GPHN: variants seen among roughly 807,000 people sequenced by gnomAD.
GPHN encodes gephyrin.
GPHN carries 17 observed loss-of-function variants against 95.5 expected under a neutral mutation model. That is an observed-to-expected ratio of 0.18 (90% CI 0.12 to 0.27). The LOEUF is 0.27. Ranked by LOEUF, GPHN falls within the 10% of genes least tolerant of loss-of-function variation. The pLI, the probability that GPHN is intolerant of heterozygous loss-of-function variation, is 1.00. For missense variants in GPHN, 660 were observed against 978.1 expected, an observed-to-expected ratio of 0.67 and a Z score of 4.34; for synonymous variants, 320 against 322.5, an observed-to-expected ratio of 0.99 and a Z score of 0.08.
At chr14:67,590,215 T>TA in the GPHN span, 2 of 1,504,498 alleles carry the variant, frequency 1.3e-6, no homozygotes, top group African/African-American at 2.8e-5. Flanking sequence ...GGTGAGAATA[T>TA]AAGGGAGTGC....
At chr14:66,696,770 A>G (rs1741210290) in intron 2 of GPHN, among the ~76,000 whole-genome samples, 1 of 152,218 alleles carries the variant, frequency 6.6e-6, no homozygotes, top group Non-Finnish European at 1.5e-5. Context: ...ATTCAAGATC[A>G]CAGCTTTGAG....
the GPHN span, among the ~76,000 whole-genome samples, chr14:67,367,352 T>C: frequency 6.6e-6 from 1 of 152,302 alleles, no homozygotes; most frequent in East Asian, 1.9e-4. Context: ...TGTCTCAGCC[T>C]CCAGAGTAGC....
chr14:67,482,385 G>T, the GPHN span, among the ~76,000 whole-genome samples: 1 of 152,214 alleles, frequency 6.6e-6, no homozygotes, highest in African/African-American at 2.4e-5. Context: ...GGGGGCTAAG[G>T]TGCCACAACA....
chr14:67,429,352 T>C, the GPHN span, among the ~76,000 whole-genome samples: 2 of 151,434 alleles, frequency 1.3e-5, no homozygotes, highest in Non-Finnish European at 2.9e-5. Context: ...TGTCTCAGCC[T>C]CCTGAGTAGC....
At chr14:67,620,913 A>T in the GPHN span, 2 of 1,614,156 alleles carry the variant, frequency 1.2e-6, no homozygotes, top group African/African-American at 1.3e-5. Flanking sequence ...GGAGTGGAGC[A>T]TGGTCCCGCT....
intron 5 of GPHN, among the ~76,000 whole-genome samples, chr14:66,909,567 A>G (rs961922121): frequency 5.7e-4 from 86 of 152,104 alleles, no homozygotes; most frequent in African/African-American, 2.0e-3. Context: ...GAAAAGTCAT[A>G]TGACCTTCTC....
In GPHN at chr14:67,178,754, C is replaced by A. The variant is rs117834593; in HGVS notation, c.2080-824C>A. On this transcript the variant is annotated intron_variant, in intron 21 of 22. Coordinates refer to ENST00000478722, the MANE Select transcript of GPHN (RefSeq NM_020806.5). The stretch of plus-strand genomic sequence containing the variant: ...AAGTTCAAAGGTCTCCAAATGTATT[C>A]AACCCAAAAGATCCTTCCCAATTTG... Among the ~76,000 whole-genome samples the A allele has an allele frequency of 2.4e-3, 364 of 152,272 alleles. 6 individuals are homozygous for A. The highest frequency in any genetic ancestry group is 3.2e-3 in the Non-Finnish European group (220 of 68,018).
chr14:67,151,961 C>T (rs188654690), intron 18 of GPHN, among the ~76,000 whole-genome samples: 7 of 152,060 alleles, frequency 4.6e-5, no homozygotes, highest in Non-Finnish European at 8.8e-5. Flanking sequence ...AGGTTTAAGC[C>T]ACTCATAAAG....
chr14:67,387,159 G>A, the GPHN span: 1 of 568,814 alleles, frequency 1.8e-6, no homozygotes, highest in Non-Finnish European at 2.9e-6. Flanking sequence ...AGATGGGGAA[G>A]GAAATGGCAC....
At chr14:66,639,945 A>T (rs1043722778) in intron 1 of GPHN, among the ~76,000 whole-genome samples, 1 of 152,134 alleles carries the variant, frequency 6.6e-6, no homozygotes, top group Non-Finnish European at 1.5e-5. Context: ...GTAACTGGGT[A>T]TTCATTGGAG....
At chr14:67,047,318 TTG>T (rs141822405) in intron 10 of GPHN, among the ~76,000 whole-genome samples, 1 of 132,884 alleles carries the variant, frequency 7.5e-6, no homozygotes, top group Non-Finnish European at 1.6e-5. Context: ...TTCATTTATT[TTG>T]TGTGTGTGTG....
At chr14:67,067,395 G>A (rs1009194068) in intron 11 of GPHN, among the ~76,000 whole-genome samples, 1 of 152,198 alleles carries the variant, frequency 6.6e-6, no homozygotes, top group Non-Finnish European at 1.5e-5. Flanking sequence ...TTTCAGTTAG[G>A]CTACACAGGG....
At chr14:66,897,376 TATG>T (rs1383965144) in intron 5 of GPHN, among the ~76,000 whole-genome samples, 1 of 152,134 alleles carries the variant, frequency 6.6e-6, no homozygotes, top group African/African-American at 2.4e-5. Flanking sequence ...TGCTGGATCA[TATG>T]ATAATTCTAT....
chr14:67,273,387 C>T, the GPHN span, among the ~76,000 whole-genome samples: 2 of 152,120 alleles, frequency 1.3e-5, no homozygotes, highest in Admixed American at 1.3e-4. Flanking sequence ...GTTTTCTGTC[C>T]TTGTGAAAAT....
intron 3 of GPHN, among the ~76,000 whole-genome samples, chr14:66,795,925 A>C (rs1014792755): frequency 2.0e-5 from 3 of 152,044 alleles, no homozygotes; most frequent in Non-Finnish European, 4.4e-5. Context: ...ACTAGGACTT[A>C]TTCATTCATT....
chr14:67,580,165 G>A, the GPHN span: 1 of 316,538 alleles, frequency 3.2e-6, no homozygotes, highest in South Asian at 4.6e-5. Flanking sequence ...TGTAGGGACA[G>A]TGAGGCCCCA....
the GPHN span, among the ~76,000 whole-genome samples, chr14:67,194,461 C>CA: frequency 1.5e-3 from 227 of 151,788 alleles, no homozygotes; most frequent in Non-Finnish European, 1.4e-3. Context: ...GTGCTGTGGC[C>CA]AAAATGATGG....
chr14:66,669,988 C>T (rs1454954361), intron 1 of GPHN, among the ~76,000 whole-genome samples: 1 of 152,136 alleles, frequency 6.6e-6, no homozygotes, highest in Non-Finnish European at 1.5e-5. Context: ...CTTCCTGGTT[C>T]TTTGTATGAC....
intron 9 of GPHN, among the ~76,000 whole-genome samples, chr14:66,967,336 T>A (rs1241399917): frequency 6.6e-6 from 1 of 151,930 alleles, no homozygotes; most frequent in African/African-American, 2.4e-5. Context: ...CAGAAGGAAG[T>A]GAAATTTGTC....
Sources: gnomAD v4.1 joint callset for allele counts (sites outside exome capture counted in the v4.1 genomes callset) on GRCh38, gnomAD v4.1.1 for gene constraint, MANE v1.5 for transcripts, NCBI Gene and HGNC (gene_info 2026-07-23, HGNC 2026-07-21) for gene names.